The following EFR3B variants were observed in gnomAD, a reference collection of about 807,000 sequenced individuals.
EFR3B encodes the protein EFR3 homolog B.
Under a neutral mutation model 104.7 loss-of-function variants are expected in EFR3B, and 64 were observed. That is an observed-to-expected ratio of 0.61 (90% CI 0.50 to 0.75). EFR3B has a LOEUF of 0.75. EFR3B is among the 30% of genes least tolerant of loss of function. The pLI is 0.00. For missense variants in EFR3B, 750 were observed against 1,078.5 expected (o/e 0.70, Z 4.27); for synonymous variants, 385 against 417.9 (o/e 0.92, Z 0.96).
intron 3 of EFR3B, among the ~76,000 whole-genome samples, chr2:25,098,831 ATTT>A (rs11416666): frequency 3.6e-5 from 3 of 83,812 alleles, no homozygotes; most frequent in African/African-American, 5.2e-5. Flanking sequence ...TAAGTAGCCA[ATTT>A]TTTTTTTTTT....
rs543877165 is a variant in EFR3B at position 25,153,967 on chromosome 2, C to T, written c.2348+206C>T. ...GAGACCAGAGAGGGAAAGAGCCTGC[C>T]TCAATGAAACCTGGAAAGACGCAAG... On this transcript the variant is annotated intron_variant, in intron 22 of 22. Coordinates refer to ENST00000403714, the MANE Select transcript of EFR3B (RefSeq NM_014971.2). 2.0e-5 allele frequency among the ~76,000 whole-genome samples: 3 copies of T among 152,174 alleles called. 1 individual carries two copies. In the South Asian group the frequency reaches 6.2e-4, roughly 32 times the overall value.
chr2:25,137,301 A>T lies in EFR3B; in HGVS notation c.1561-40A>T. 2 of 1,549,342 alleles carry T rather than the reference A, an allele frequency of 1.3e-6. No individual in the cohort carries two copies. Among genetic ancestry groups the T allele is most frequent in the Non-Finnish European group, 1.7e-6 (2 of 1,145,572 alleles). On this transcript the variant is annotated intron_variant, in intron 14 of 22. Coordinates refer to ENST00000403714, the MANE Select transcript of EFR3B (RefSeq NM_014971.2). This position sits in a 1 kb window ranked among gnomAD's most constrained non-coding sequence, Gnocchi z 4.7. ...TGTTCTCCTTGCCCCTCCTGTCCCC[A>T]TCCCTCCGACCCTGGCCTTCTGCCC...
chr2:25,072,521 A>T (rs1204853706), intron 1 of EFR3B, among the ~76,000 whole-genome samples: 1 of 152,032 alleles, frequency 6.6e-6, no homozygotes, highest in Non-Finnish European at 1.5e-5. Context: ...GGCCCAAGCG[A>T]TCCTCCCACC....
chr2:25,070,739 G>A (rs1668470867), intron 1 of EFR3B, among the ~76,000 whole-genome samples: 1 of 152,334 alleles, frequency 6.6e-6, no homozygotes, highest in East Asian at 1.9e-4. Flanking sequence ...AGCTGAGGAA[G>A]GGAGAGAGGC....
chr2:25,064,703 C>T (rs1384564355), intron 1 of EFR3B, among the ~76,000 whole-genome samples: 2 of 152,132 alleles, frequency 1.3e-5, no homozygotes, highest in African/African-American at 2.4e-5. Flanking sequence ...TGAATTCCTA[C>T]GAGGAGCCCA....
At chr2:25,124,738 CAAAAAAAAAAAA>C in intron 5 of EFR3B, among the ~76,000 whole-genome samples, 2 of 41,794 alleles carry the variant, frequency 4.8e-5, no homozygotes, top group East Asian at 8.8e-4. Context: ...GACTCTGTCT[CAAAAAAAAAAAA>C]AAAAAAAAAA....
chr2:25,129,875 C>A lies in EFR3B; in HGVS notation c.636-100C>A, dbSNP rs1238967312. ...GCCTAGTGCAACCCATGTCAAATTC[C>A]TGCTTGTCTTGTGTGGATGAAACAC... On this transcript the variant is annotated intron_variant, in intron 6 of 22. Coordinates refer to ENST00000403714, the MANE Select transcript of EFR3B (RefSeq NM_014971.2). 3 of 1,455,344 alleles carry A rather than the reference C, an allele frequency of 2.1e-6. No individual in the cohort carries two copies. The East Asian group carries it at 7.5e-5, about 36-fold the overall frequency. 90.2% of individuals were successfully genotyped at this position (1,455,344 alleles called of 1,614,324 possible).
chr2:25,156,860 T>C lies in EFR3B; in HGVS notation c.*2520T>C, dbSNP rs1671183389. The C allele has an allele frequency of 6.6e-6, 1 of 152,196 alleles. No individual in the cohort carries two copies. Among genetic ancestry groups the C allele is most frequent in the African/African-American group, 2.4e-5 (1 of 41,442 alleles). 9.4% of individuals were successfully genotyped at this position (152,196 alleles called of 1,614,324 possible). A position where few individuals can be genotyped will look rare whatever the true frequency, so the allele number is the denominator to read the frequency against. On this transcript the variant is annotated 3_prime_UTR_variant, in exon 23 of 23. Transcript: ENST00000403714. ...ACAAACATGTTCTTTCCTCACTAGC[T>C]CCTCCCAGGTTTTATCCTGCACCCA...
At chr2:25,142,318 C>G (rs1254159780) in intron 17 of EFR3B, among the ~76,000 whole-genome samples, 2 of 151,854 alleles carry the variant, frequency 1.3e-5, no homozygotes, top group Non-Finnish European at 2.9e-5. Flanking sequence ...TGGCGCACAC[C>G]TGTAGTCCCA....
chr2:25,151,999 T>G lies in EFR3B; in HGVS notation c.2277T>G (p.Ile759Met). 6.4e-7 allele frequency: 1 copy of G among 1,551,678 alleles called. No homozygotes were observed. The highest frequency in any genetic ancestry group is 8.7e-7 in the Non-Finnish European group (1 of 1,146,990). Residue 759 changes from isoleucine (I) to methionine (M), a missense_variant, in exon 21 of 23, where the codon ATT (isoleucine) becomes ATG (methionine). Ile to Met is a conservative substitution (Grantham distance 10, BLOSUM62 1). Transcript: ENST00000403714. ...EKFQKAPFEEIAAHCGARASL... is the reference protein window; with the variant it reads ...EKFQKAPFEEMAAHCGARASL... Reference sequence around the variant, plus strand: ...TCCAGAAGGCACCCTTCGAGGAGATTGCTGCACACTGCGGGGCCCGGGTAA... The same window carrying G: ...TCCAGAAGGCACCCTTCGAGGAGATGGCTGCACACTGCGGGGCCCGGGTAA...
intron 19 of EFR3B, chr2:25,145,315 T>C: frequency 1.9e-6 from 1 of 532,496 alleles, no homozygotes; most frequent in Non-Finnish European, 3.3e-6. Flanking sequence ...CTCACACCTG[T>C]GATCCCAACA....
rs1671163715 is a variant in EFR3B, at chr2:25,156,221, T to C, written c.*1881T>C. On this transcript the variant is annotated 3_prime_UTR_variant, in exon 23 of 23. Transcript: ENST00000403714. ...CTATTTGACCCTCATTCCCATAGTTTTGGCACTTCAAATGAAGCTCTTCCT... is the reference window on the plus strand; with the variant it reads ...CTATTTGACCCTCATTCCCATAGTTCTGGCACTTCAAATGAAGCTCTTCCT... The C allele has an allele frequency of 6.6e-6, 1 of 152,068 alleles. No individual in the cohort carries two copies. Among genetic ancestry groups the C allele is most frequent in the Non-Finnish European group, 1.5e-5 (1 of 67,996 alleles). 9.4% of individuals were successfully genotyped at this position (152,068 alleles called of 1,614,324 possible). A position where few individuals can be genotyped will look rare whatever the true frequency, so the allele number is the denominator to read the frequency against.
At chr2:25,098,158 C>T (rs1452698539) in intron 3 of EFR3B, among the ~76,000 whole-genome samples, 3 of 152,122 alleles carry the variant, frequency 2.0e-5, no homozygotes, top group African/African-American at 7.2e-5. Context: ...AGCCCTCTCT[C>T]CCTACTTCTG....
At chr2:25,046,047 GGTT>G (rs1041248416) in intron 1 of EFR3B, among the ~76,000 whole-genome samples, 1 of 152,170 alleles carries the variant, frequency 6.6e-6, no homozygotes, top group Non-Finnish European at 1.5e-5. Context: ...CCCGCTTAGT[GGTT>G]GAGAATGCTG....
Position 25,131,834 on chromosome 2 carries a change from G to A in EFR3B, c.1070G>A (p.Gly357Glu), listed in dbSNP as rs1670345561. 1 of 1,549,902 alleles carries A rather than the reference G, an allele frequency of 6.5e-7. No homozygotes were observed. Among genetic ancestry groups the A allele is most frequent in the Admixed American group, 2.0e-5 (1 of 50,740 alleles). Residue 357 changes from glycine to glutamate, a missense_variant, in exon 10 of 23, where the codon GGG becomes GAG. Coordinates refer to ENST00000403714, the MANE Select transcript of EFR3B (RefSeq NM_014971.2). The surrounding 1 kb of genome is among the most constrained non-coding windows in gnomAD (Gnocchi z 7.6). ...TACGCGCTGACCGGGAGCTACGACG[G>A]GGCGGTCAGCCTCGGCACCAAGATC... ...IDYALTGSYD[G>E]AVSLGTKIIK...
chr2:25,069,160 G>A (rs1039311109), intron 1 of EFR3B, among the ~76,000 whole-genome samples: 2 of 151,994 alleles, frequency 1.3e-5, no homozygotes, highest in African/African-American at 2.4e-5. Flanking sequence ...CGCCCACCTC[G>A]GCCTCCCAAA....
In EFR3B at chr2:25,114,130, C is replaced by A. The variant is rs558655175; in HGVS notation, c.364-7543C>A. On this transcript the variant is annotated intron_variant, in intron 4 of 22. Transcript: ENST00000403714. This position sits in a 1 kb window ranked among gnomAD's most constrained non-coding sequence, Gnocchi z 4.0. ...GGTGGACTTCCGCAATAGGTGTGGT[C>A]CTTTGACCAGGGCCCCCGGGAAAAA... Among the ~76,000 whole-genome samples the A allele has an allele frequency of 1.5e-4, 23 of 152,286 alleles. 2 individuals carry two copies. The South Asian group carries it at 4.4e-3, about 29-fold the overall frequency.
chr2:25,146,086 T>TG (rs1670806495), intron 19 of EFR3B: 1 of 148,500 alleles, frequency 6.7e-6, no homozygotes, highest in South Asian at 2.1e-4. Context: ...CAAGATGTTT[T>TG]TTTTTTTTTT....
chr2:25,066,853 C>T lies in EFR3B; in HGVS notation c.8-24472C>T, dbSNP rs142842856. On this transcript the variant is annotated intron_variant, in intron 1 of 22. Coordinates refer to ENST00000403714, the MANE Select transcript of EFR3B (RefSeq NM_014971.2). ...TTCAAAATTCCAGCAAGAACAGAGC[C>T]GAACAAGTTTAGAAAACAGTTCCTG... Among the ~76,000 whole-genome samples the T allele has an allele frequency of 3.5e-3, 530 of 152,198 alleles. 4 individuals are homozygous for T. Among genetic ancestry groups the T allele is most frequent in the African/African-American group, 0.012 (506 of 41,530 alleles).
Sources: gnomAD v4.1 joint callset for allele counts (sites outside exome capture counted in the v4.1 genomes callset) on GRCh38, gnomAD v4.1.1 for gene constraint, Gnocchi (gnomAD v3.1) non-coding constraint, MANE v1.5 for transcripts, NCBI Gene and HGNC (gene_info 2026-07-23, HGNC 2026-07-21) for gene names.